Variants in AGBL4 observed in about 807,000 individuals in gnomAD.
AGBL4 encodes cytosolic carboxypeptidase 6.
A neutral mutation model predicts 66.4 loss-of-function variants in AGBL4; 58 were observed. The ratio of observed to expected loss-of-function variants is 0.87; its 90% CI spans 0.71 to 1.09. The LOEUF is 1.09. AGBL4 is among the 50% of genes least tolerant of loss of function. AGBL4 has a pLI of 0.00. For synonymous variants in AGBL4, 234 were observed against 222.9 expected, an observed-to-expected ratio of 1.05 and a Z score of -0.44; for missense variants, 579 against 631.0, an observed-to-expected ratio of 0.92 and a Z score of 0.88.
intron 3 of AGBL4, among the ~76,000 whole-genome samples, chr1:49,503,064 GA>G: frequency 6.6e-6 from 1 of 152,102 alleles, no homozygotes; most frequent in Middle Eastern, 3.4e-3. Flanking sequence ...GCCAAGGAGG[GA>G]AAAAATGGTG....
intron 3 of AGBL4, among the ~76,000 whole-genome samples, chr1:49,513,981 A>G (rs1349784328): frequency 6.6e-6 from 1 of 152,000 alleles, no homozygotes; most frequent in African/African-American, 2.4e-5. Context: ...CTTCGAAGCA[A>G]TTGCGAATGG....
chr1:48,859,128 C>G (rs572541836), intron 6 of AGBL4, among the ~76,000 whole-genome samples: 1 of 152,020 alleles, frequency 6.6e-6, no homozygotes, highest in Non-Finnish European at 1.5e-5. Flanking sequence ...TCCCTTTTCC[C>G]TCTGTCACAA....
At chr1:49,723,698 ACTTT>A (rs1442815134) in intron 2 of AGBL4, among the ~76,000 whole-genome samples, 10 of 151,962 alleles carry the variant, frequency 6.6e-5, no homozygotes, top group Non-Finnish European at 1.2e-4. Flanking sequence ...TTTTCTTATC[ACTTT>A]CTTTATTATT....
chr1:49,078,785 C>T (rs970876994), intron 4 of AGBL4, among the ~76,000 whole-genome samples: 1 of 152,170 alleles, frequency 6.6e-6, no homozygotes, highest in East Asian at 1.9e-4. Context: ...TTCAATCTTG[C>T]TTTTTCCCCT....
intron 5 of AGBL4, among the ~76,000 whole-genome samples, chr1:48,990,743 T>C (rs1660540632): frequency 6.6e-6 from 1 of 152,144 alleles, no homozygotes; most frequent in Non-Finnish European, 1.5e-5. Context: ...TTGCACATTT[T>C]TGAATTTGAG....
At chr1:49,147,491 T>C (rs1293573787) in intron 4 of AGBL4, among the ~76,000 whole-genome samples, 2 of 152,108 alleles carry the variant, frequency 1.3e-5, no homozygotes, top group Admixed American at 1.3e-4. Flanking sequence ...TCATCCCCGT[T>C]TTATACTGAT....
chr1:49,179,711 G>T (rs549637223), intron 4 of AGBL4, among the ~76,000 whole-genome samples: 1 of 151,928 alleles, frequency 6.6e-6, no homozygotes, highest in Admixed American at 6.6e-5. Flanking sequence ...GAAACAGACA[G>T]ACATAAGGCA....
chr1:48,885,524 G>A (rs776163538), intron 5 of AGBL4, among the ~76,000 whole-genome samples: 5 of 152,174 alleles, frequency 3.3e-5, no homozygotes, highest in African/African-American at 4.8e-5. Context: ...CACCAAGACC[G>A]GCCACATAAT....
At chr1:49,232,597 G>A (rs975575218) in intron 4 of AGBL4, among the ~76,000 whole-genome samples, 2 of 151,892 alleles carry the variant, frequency 1.3e-5, no homozygotes, top group Non-Finnish European at 2.9e-5. Context: ...TACTTGGGAG[G>A]CTGAGGCAGG....
At chr1:48,950,595 G>A (rs1251503255) in intron 5 of AGBL4, among the ~76,000 whole-genome samples, 1 of 152,198 alleles carries the variant, frequency 6.6e-6, no homozygotes, top group Non-Finnish European at 1.5e-5. Flanking sequence ...TTGTTTGAGA[G>A]TCTGATTTTA....
At chr1:49,552,046 C>T (rs558859131) in intron 3 of AGBL4, among the ~76,000 whole-genome samples, 2 of 152,092 alleles carry the variant, frequency 1.3e-5, no homozygotes, top group Non-Finnish European at 2.9e-5. Flanking sequence ...AGGATTATGG[C>T]TGCCTCTGCT....
At chr1:49,193,656 T>C (rs937273864) in intron 4 of AGBL4, among the ~76,000 whole-genome samples, 3 of 151,816 alleles carry the variant, frequency 2.0e-5, no homozygotes, top group Admixed American at 6.6e-5. Flanking sequence ...GCGTCCAGAG[T>C]AGCTGGGACT....
chr1:48,753,106 T>A (rs894305088), intron 6 of AGBL4, among the ~76,000 whole-genome samples: 4 of 152,164 alleles, frequency 2.6e-5, no homozygotes, highest in Admixed American at 2.6e-4. Context: ...CTTGTACAGA[T>A]GAGGAAACTA....
At chr1:49,556,551 T>C (rs1440789052) in intron 3 of AGBL4, among the ~76,000 whole-genome samples, 1 of 151,418 alleles carries the variant, frequency 6.6e-6, no homozygotes, top group East Asian at 1.9e-4. Flanking sequence ...AATCTTTAGC[T>C]AGACACAAAG....
chr1:48,947,242 T>C (rs1284229918), intron 5 of AGBL4, among the ~76,000 whole-genome samples: 2 of 152,252 alleles, frequency 1.3e-5, no homozygotes, highest in Non-Finnish European at 2.9e-5. Flanking sequence ...TGCTTCTCCT[T>C]CATTACATTT....
chr1:49,271,505 A>G (rs1644056626), intron 3 of AGBL4, among the ~76,000 whole-genome samples: 2 of 144,358 alleles, frequency 1.4e-5, no homozygotes, highest in Admixed American at 1.4e-4. Flanking sequence ...AGTCAACTCA[A>G]TTAAAAGATA....
chr1:49,952,970 A>C (rs1179159120), intron 1 of AGBL4, among the ~76,000 whole-genome samples: 1 of 151,970 alleles, frequency 6.6e-6, no homozygotes, highest in Non-Finnish European at 1.5e-5. Flanking sequence ...TGTCTCTGAG[A>C]TATTTCTGAA....
intron 4 of AGBL4, among the ~76,000 whole-genome samples, chr1:49,182,467 G>A (rs1214408366): frequency 1.3e-5 from 2 of 152,126 alleles, no homozygotes; most frequent in Non-Finnish European, 2.9e-5. Flanking sequence ...TAACAATTTG[G>A]TCTTTAGCCA....
chr1:49,639,752 A>T (rs1172582332), intron 3 of AGBL4, among the ~76,000 whole-genome samples: 1 of 152,212 alleles, frequency 6.6e-6, no homozygotes, highest in Admixed American at 6.6e-5. Context: ...GTAAATGCTA[A>T]AACAGAGGAA....
Sources: gnomAD v4.1 joint callset for allele counts (sites outside exome capture counted in the v4.1 genomes callset) on GRCh38, gnomAD v4.1.1 for gene constraint, MANE v1.5 for transcripts, NCBI Gene and HGNC (gene_info 2026-07-23, HGNC 2026-07-21) for gene names.